Variants in PPARD observed in about 807,000 individuals in gnomAD.
PPARD encodes peroxisome proliferator activated receptor delta.
Under a neutral mutation model 39.5 loss-of-function variants are expected in PPARD, and 6 were observed. The ratio of observed to expected loss-of-function variants is 0.15; its 90% CI spans 0.08 to 0.30. The LOEUF is 0.30. Ranked by LOEUF, PPARD falls within the 10% of genes least tolerant of loss-of-function variation. PPARD has a pLI of 1.00. For missense variants in PPARD, 397 were observed against 596.8 expected (o/e 0.67, Z 3.49); for synonymous variants, 210 against 231.3 (o/e 0.91, Z 0.83).
At chr6:35,362,674 G>A (rs539266213) in intron 2 of PPARD, among the ~76,000 whole-genome samples, 395 of 152,284 alleles carry the variant, frequency 2.6e-3, no homozygotes, top group Non-Finnish European at 4.5e-3. Context: ...AAGAAGCTGC[G>A]TGGGTGATGG....
chr6:35,368,497 C>CT (rs1336467198), intron 2 of PPARD, among the ~76,000 whole-genome samples: 1 of 152,198 alleles, frequency 6.6e-6, no homozygotes. Context: ...TTCCTCATGC[C>CT]TATTGAATTA....
At chr6:35,409,716 C>T (rs927211456) in intron 2 of PPARD, among the ~76,000 whole-genome samples, 44 of 152,130 alleles carry the variant, frequency 2.9e-4, no homozygotes, top group African/African-American at 1.0e-3. Context: ...TCCCAGCCTC[C>T]ACCCTCAAGT....
chr6:35,392,450 G>T (rs1165723636), intron 2 of PPARD, among the ~76,000 whole-genome samples: 1 of 152,068 alleles, frequency 6.6e-6, no homozygotes, highest in African/African-American at 2.4e-5. Flanking sequence ...AGTACAGGCT[G>T]CACATACCTG....
chr6:35,410,605 G>A (rs1034134912), intron 2 of PPARD, among the ~76,000 whole-genome samples: 1 of 152,190 alleles, frequency 6.6e-6, no homozygotes. Context: ...GATGGGAGGC[G>A]TGATGCATAT....
rs1365679608 is a variant in PPARD, at chr6:35,366,974, G to A, written c.-102+19824G>A. On this transcript the variant is annotated intron_variant, in intron 2 of 7. Transcript: ENST00000360694. This position sits in a 1 kb window ranked among gnomAD's most constrained non-coding sequence, Gnocchi z 4.6. ...TTATGACTTGCGTATGGTCATAAAG[G>A]TAGTAAGTTGCAGAGCAGCACTCAG... Among the ~76,000 whole-genome samples, 1 of 152,228 alleles carries A rather than the reference G, an allele frequency of 6.6e-6. No homozygotes were observed. Among genetic ancestry groups the A allele is most frequent in the Admixed American group, 6.5e-5 (1 of 15,282 alleles).
At chr6:35,407,052 C>T (rs1759524167) in intron 2 of PPARD, among the ~76,000 whole-genome samples, 1 of 152,180 alleles carries the variant, frequency 6.6e-6, no homozygotes, top group Non-Finnish European at 1.5e-5. Context: ...ATAGTGGGAG[C>T]TCAGTCAGCT....
At chr6:35,413,125 C>T (rs540854285) in intron 3 of PPARD, among the ~76,000 whole-genome samples, 3 of 152,378 alleles carry the variant, frequency 2.0e-5, no homozygotes, top group Admixed American at 2.0e-4. Context: ...GTTTCCTCCA[C>T]ACCCCTTCTT....
intron 2 of PPARD, among the ~76,000 whole-genome samples, chr6:35,364,431 CTT>C (rs529866520): frequency 3.1e-4 from 40 of 127,152 alleles, no homozygotes; most frequent in African/African-American, 9.6e-4. Context: ...CCATGTTTAA[CTT>C]TTTTTTTTTT....
At chr6:35,367,058 A>T (rs972149953) in intron 2 of PPARD, among the ~76,000 whole-genome samples, 2 of 152,140 alleles carry the variant, frequency 1.3e-5, no homozygotes, top group Admixed American at 6.5e-5. Context: ...GGTGGGGGTG[A>T]CTGGGGAGGT....
chr6:35,364,777 T>TC (rs1357480532), intron 2 of PPARD, among the ~76,000 whole-genome samples: 1 of 151,966 alleles, frequency 6.6e-6, no homozygotes, highest in Non-Finnish European at 1.5e-5. Context: ...TGGCGCGATT[T>TC]CGCCTCACTG....
intron 2 of PPARD, among the ~76,000 whole-genome samples, chr6:35,389,555 C>T (rs1763892034): frequency 1.3e-5 from 2 of 151,988 alleles, no homozygotes; most frequent in Non-Finnish European, 2.9e-5. Flanking sequence ...CCAGGTGATC[C>T]GCCCGCCTCG....
intron 2 of PPARD, among the ~76,000 whole-genome samples, chr6:35,379,160 A>G (rs1245872311): frequency 1.3e-5 from 2 of 150,410 alleles, no homozygotes; most frequent in South Asian, 2.1e-4. Flanking sequence ...CTGGAGTGCA[A>G]TGGCTCAATC....
intron 2 of PPARD, among the ~76,000 whole-genome samples, chr6:35,406,181 C>G (rs1303802454): frequency 1.3e-5 from 2 of 152,212 alleles, no homozygotes; most frequent in Non-Finnish European, 2.9e-5. Context: ...CTGCCTCAGC[C>G]TCTCAAAGTG....
At chr6:35,392,937 C>G (rs1276883216) in intron 2 of PPARD, among the ~76,000 whole-genome samples, 3 of 152,182 alleles carry the variant, frequency 2.0e-5, no homozygotes, top group Non-Finnish European at 2.9e-5. Flanking sequence ...AAAACTGGCT[C>G]CGGCTGAAGC....
At chr6:35,411,624 A>T (rs1765435710) in intron 3 of PPARD, among the ~76,000 whole-genome samples, 1 of 152,224 alleles carries the variant, frequency 6.6e-6, no homozygotes, top group Admixed American at 6.5e-5. Flanking sequence ...TGATCAGTCG[A>T]AACACACAGT....
At chr6:35,405,777 G>A (rs1445148760) in intron 2 of PPARD, among the ~76,000 whole-genome samples, 1 of 152,010 alleles carries the variant, frequency 6.6e-6, no homozygotes, top group African/African-American at 2.4e-5. Flanking sequence ...TTACAGGCGT[G>A]CGCCACCATG....
At chr6:35,347,280 A>G (rs1792240893) in intron 2 of PPARD, 130 bp downstream of exon 2, 4 of 1,112,646 alleles carry the variant, frequency 3.6e-6, no homozygotes, top group Non-Finnish European at 5.2e-6. Context: ...CTGTCACAGC[A>G]TCTGGTACCA....
intron 2 of PPARD, among the ~76,000 whole-genome samples, chr6:35,384,896 T>A: frequency 9.6e-6 from 1 of 104,288 alleles, no homozygotes; most frequent in African/African-American, 4.3e-5. Flanking sequence ...CGCCTCTGCC[T>A]GGCCGCCCCT....
At chr6:35,361,321 G>A (rs542742951) in intron 2 of PPARD, among the ~76,000 whole-genome samples, 67 of 152,146 alleles carry the variant, frequency 4.4e-4, no homozygotes, top group African/African-American at 1.5e-3. Context: ...AGCACCATAG[G>A]TGGATGCCAG....
Sources: gnomAD v4.1 joint callset for allele counts (sites outside exome capture counted in the v4.1 genomes callset) on GRCh38, gnomAD v4.1.1 for gene constraint, Gnocchi (gnomAD v3.1) non-coding constraint, MANE v1.5 for transcripts, NCBI Gene and HGNC (gene_info 2026-07-23, HGNC 2026-07-21) for gene names.